CCDC88C: variants seen among roughly 807,000 people sequenced by gnomAD.
CCDC88C encodes the protein coiled-coil and HOOK domain protein 88C, also known as protein Daple.
In CCDC88C, 131 loss-of-function variants were observed where a neutral mutation model predicts 198.8. The observed-to-expected ratio is 0.66, with a 90% CI of 0.57 to 0.76. The LOEUF is 0.76. Among genes scored for constraint, CCDC88C ranks in the 30% least tolerant of loss-of-function variants. CCDC88C has a pLI of 0.00. For missense variants in CCDC88C, 2,553 were observed against 2,631.6 expected, an observed-to-expected ratio of 0.97 and a Z score of 0.65; for synonymous variants, 1,166 against 1,114.7, an observed-to-expected ratio of 1.05 and a Z score of -0.92.
At chr14:91,390,152 T>C (rs1885415986) in intron 3 of CCDC88C, among the ~76,000 whole-genome samples, 1 of 151,540 alleles carries the variant, frequency 6.6e-6, no homozygotes. Context: ...CAATGAGCCA[T>C]GGTTACTTTG....
At chr14:91,389,547 G>C (rs1246031404) in intron 3 of CCDC88C, among the ~76,000 whole-genome samples, 2 of 152,088 alleles carry the variant, frequency 1.3e-5, no homozygotes, top group Admixed American at 6.5e-5. Flanking sequence ...AAGAGGAATT[G>C]CTTTGATGTG....
At chr14:91,378,736 T>G (rs1234253975) in intron 3 of CCDC88C, 1 of 152,270 alleles carries the variant, frequency 6.6e-6, no homozygotes, top group African/African-American at 2.4e-5. Flanking sequence ...CATAGTGCTG[T>G]AAGTCATCAT....
At chr14:91,295,662 C>T (rs1890970636) in intron 22 of CCDC88C, among the ~76,000 whole-genome samples, 1 of 152,212 alleles carries the variant, frequency 6.6e-6, no homozygotes, top group Admixed American at 6.5e-5. Context: ...ATATGGGCTC[C>T]TGGAGAGAGG....
rs1001192113 is a variant in CCDC88C at position 91,381,464 on chromosome 14, C to T, written c.271-21753G>A. Reference sequence around the variant, plus strand: ...AAGAAAAATGCTTTAAAACTTGACCCAAGAAGAGAGCAGGCAGCAACACTT... The same window carrying T: ...AAGAAAAATGCTTTAAAACTTGACCTAAGAAGAGAGCAGGCAGCAACACTT... On this transcript the variant is annotated intron_variant, in intron 3 of 29. Transcript: ENST00000389857. The surrounding 1 kb of genome is among the most constrained non-coding windows in gnomAD (Gnocchi z 4.2). Among the ~76,000 whole-genome samples the T allele has an allele frequency of 2.0e-5, 3 of 152,204 alleles. No homozygotes were observed. The highest frequency in any genetic ancestry group is 4.4e-5 in the Non-Finnish European group (3 of 68,042).
chr14:91,310,732 G>A (rs1477991484), intron 15 of CCDC88C, among the ~76,000 whole-genome samples: 1 of 152,128 alleles, frequency 6.6e-6, no homozygotes, highest in African/African-American at 2.4e-5. Context: ...TCAAAACATG[G>A]GTGTTGAATG....
intron 4 of CCDC88C, among the ~76,000 whole-genome samples, chr14:91,345,286 G>A (rs959956798): frequency 1.4e-5 from 2 of 144,162 alleles, no homozygotes; most frequent in African/African-American, 5.2e-5. Context: ...TCTGTCTCCT[G>A]GGTTCAAGCG....
intron 3 of CCDC88C, among the ~76,000 whole-genome samples, chr14:91,394,378 T>C (rs1885709678): frequency 6.6e-6 from 1 of 152,202 alleles, no homozygotes; most frequent in African/African-American, 2.4e-5. Context: ...TCTGGGTCCC[T>C]GCCATGTGTC....
chr14:91,407,332 G>T (rs908748007), intron 3 of CCDC88C, among the ~76,000 whole-genome samples: 1 of 152,184 alleles, frequency 6.6e-6, no homozygotes. Context: ...GGGGAGTCAC[G>T]GCTGGCCAGA....
At chr14:91,409,536 G>A (rs946086291) in intron 2 of CCDC88C, among the ~76,000 whole-genome samples, 1 of 146,812 alleles carries the variant, frequency 6.8e-6, no homozygotes, top group Non-Finnish European at 1.5e-5. Context: ...TGCCCAGACT[G>A]GAGGGCAGTG....
Position 91,338,799 on chromosome 14 carries a change from G to A in CCDC88C, c.810-229C>T. ...TAAACTATGTCCATCCGCCACTCAG[G>A]TCTCCCTCCCTGTGTGTGGGGCAGG... On this transcript the variant is annotated intron_variant, in intron 8 of 29. Transcript: ENST00000389857. The surrounding 1 kb of genome is among the most constrained non-coding windows in gnomAD (Gnocchi z 4.8). The A allele has an allele frequency of 1.8e-6, 1 of 545,918 alleles. No homozygotes were observed. The highest frequency in any genetic ancestry group is 3.3e-6 in the Non-Finnish European group (1 of 303,014). 33.8% of individuals were successfully genotyped at this position (545,918 alleles called of 1,614,324 possible).
chr14:91,389,005 C>T (rs1885317094), intron 3 of CCDC88C, among the ~76,000 whole-genome samples: 1 of 152,126 alleles, frequency 6.6e-6, no homozygotes, highest in Non-Finnish European at 1.5e-5. Context: ...AATAAAGCAC[C>T]GAGGGTCCTG....
chr14:91,379,774 C>CG, intron 3 of CCDC88C: 1 of 698,950 alleles, frequency 1.4e-6, no homozygotes, highest in Non-Finnish European at 2.6e-6. Flanking sequence ...GGGCCTCCTG[C>CG]GGGGGTGTCT....
In CCDC88C at chr14:91,324,862, A is replaced by G. The variant is rs774593077; in HGVS notation, c.1259T>C (p.Ile420Thr). The G allele has an allele frequency of 1.9e-6, 3 of 1,613,812 alleles. No homozygotes were observed. Among genetic ancestry groups the G allele is most frequent in the Non-Finnish European group, 2.5e-6 (3 of 1,179,876 alleles). The change falls in exon 12 of 30, where the codon ATT becomes ACT. Residue 420 changes from isoleucine (I) to threonine (T), a missense_variant. Ile to Thr is a moderately conservative substitution (Grantham distance 89). Around this residue, in one of 2 missense-constraint regions of CCDC88C, gnomAD observed 1,260 missense variants for 1,412.0 expected, o/e 0.89. Coordinates refer to ENST00000389857, the MANE Select transcript of CCDC88C (RefSeq NM_001080414.4). ...TTCGTTCATGCTCTGCTTCTGTGCA[A>G]TCTCAAGGACCATGTTTTCTTCCAG... ...ELLEENMVLE[I>T]AQKQSMNESA...
chr14:91,417,043 G>C (rs1006662793), intron 1 of CCDC88C: 1 of 700,152 alleles, frequency 1.4e-6, no homozygotes, highest in Admixed American at 2.0e-5. Context: ...ACACGAGACA[G>C]GAGGAAAAAC....
chr14:91,299,660 C>T (rs139027782), intron 21 of CCDC88C, among the ~76,000 whole-genome samples: 1,971 of 152,330 alleles, frequency 0.013, 21 homozygotes, highest in Non-Finnish European at 0.022. Context: ...TTCACCTGTG[C>T]CTGATGCAAT....
chr14:91,290,465 T>A (rs1890613113), intron 24 of CCDC88C, among the ~76,000 whole-genome samples: 1 of 152,216 alleles, frequency 6.6e-6, no homozygotes, highest in Non-Finnish European at 1.5e-5. Context: ...GGGGCAGCAC[T>A]GCTAGGGTGG....
rs1285780 is a variant in CCDC88C at position 91,336,819 on chromosome 14, A to G, written c.1050+1186T>C. On this transcript the variant is annotated intron_variant, in intron 10 of 29. Coordinates refer to ENST00000389857, the MANE Select transcript of CCDC88C (RefSeq NM_001080414.4). ...CCTCACCCAGTCCCAGAGCTTCCAG[A>G]GCCTCCAGGGCCCGGCTGCAGCACA... is the stretch of plus-strand genomic sequence containing the variant. 9.0e-3 allele frequency among the ~76,000 whole-genome samples: 1,371 copies of G among 152,290 alleles called. 24 individuals carry two copies. The highest frequency in any genetic ancestry group is 0.022 in the East Asian group (114 of 5,178).
At chr14:91,393,198 G>C (rs1885632727) in intron 3 of CCDC88C, among the ~76,000 whole-genome samples, 1 of 152,118 alleles carries the variant, frequency 6.6e-6, no homozygotes, top group African/African-American at 2.4e-5. Context: ...GGAGGGGTTG[G>C]GCCGCTTGCC....
intron 2 of CCDC88C, among the ~76,000 whole-genome samples, chr14:91,415,664 G>A (rs1389203244): frequency 1.3e-5 from 2 of 151,540 alleles, no homozygotes; most frequent in African/African-American, 2.4e-5. Context: ...AGGTTGTGGT[G>A]AGCTGAGATC....
Sources: gnomAD v4.1 joint callset for allele counts (sites outside exome capture counted in the v4.1 genomes callset) on GRCh38, gnomAD v4.1.1 for gene constraint, gnomAD v4.1.1 regional missense constraint, Gnocchi (gnomAD v3.1) non-coding constraint, MANE v1.5 for transcripts, NCBI Gene and HGNC (gene_info 2026-07-23, HGNC 2026-07-21) for gene names.